Variants in ACOX3 observed in about 807,000 individuals in gnomAD.
ACOX3 encodes acyl-CoA oxidase 3, pristanoyl, also known as peroxisomal acyl-coenzyme A oxidase 3.
A neutral mutation model predicts 81.5 loss-of-function variants in ACOX3; 73 were observed. The observed-to-expected ratio is 0.90, with a 90% CI of 0.74 to 1.09. ACOX3 has a LOEUF of 1.09. ACOX3 is among the 50% of genes least tolerant of loss of function. The pLI, the probability that ACOX3 is intolerant of heterozygous loss-of-function variation, is 0.00. For missense variants in ACOX3, 947 were observed against 928.0 expected, an observed-to-expected ratio of 1.02 and a Z score of -0.27; for synonymous variants, 387 against 375.1, an observed-to-expected ratio of 1.03 and a Z score of -0.37.
chr4:8,418,764 G>A (rs554127872), intron 1 of ACOX3, among the ~76,000 whole-genome samples: 2 of 152,300 alleles, frequency 1.3e-5, no homozygotes, highest in East Asian at 3.9e-4. Flanking sequence ...GGAGGCTGAG[G>A]CAGGAGAATC....
chr4:8,367,991 C>CAA lies in ACOX3; in HGVS notation c.1984-913_1984-912dup, dbSNP rs536606440. Among the ~76,000 whole-genome samples the CAA allele has an allele frequency of 9.3e-3, 1,111 of 119,076 alleles. 14 individuals are homozygous for CAA. Among genetic ancestry groups the CAA allele is most frequent in the African/African-American group, 0.032 (1,043 of 32,386 alleles). 78.1% of individuals were successfully genotyped at this position (119,076 alleles called of 152,430 possible). A position where few individuals can be genotyped will look rare whatever the true frequency, so the allele number is the denominator to read the frequency against. ...TGGGTGACAGAGTGAGATCCTATCT[C>CAA]AAAAAAAAAAAAAAAGAACTGATCG... On this transcript the variant is annotated intron_variant, in intron 17 of 17. Coordinates refer to ENST00000356406, the MANE Select transcript of ACOX3 (RefSeq NM_003501.3).
In ACOX3 at chr4:8,384,919, C is replaced by G. The variant is rs1312743349; in HGVS notation, c.1538-3312G>C. Among the ~76,000 whole-genome samples, 1 of 152,198 alleles carries G rather than the reference C, an allele frequency of 6.6e-6. No individual in the cohort carries two copies. The highest frequency in any genetic ancestry group is 1.9e-4 in the East Asian group (1 of 5,188). ...CAACGCACGGACCCTCTGAGACACC[C>G]TCAGGTGCCAGTTTTGTGGGAGACA... On this transcript the variant is annotated intron_variant, in intron 13 of 17. Transcript: ENST00000356406. This position sits in a 1 kb window ranked among gnomAD's most constrained non-coding sequence, Gnocchi z 5.3.
chr4:8,384,086 A>C lies in ACOX3; in HGVS notation c.1538-2479T>G, dbSNP rs1038093683. Among the ~76,000 whole-genome samples, 3 of 152,104 alleles carry C rather than the reference A, an allele frequency of 2.0e-5. No individual in the cohort carries two copies. Among genetic ancestry groups the C allele is most frequent in the Admixed American group, 2.0e-4 (3 of 15,280 alleles). ...GGTGTCCCTCTGCGGTGGACACTTC[A>C]CGGCAGTTACCCGAGTTTTCCAATC... On this transcript the variant is annotated intron_variant, in intron 13 of 17. Transcript: ENST00000356406. This position sits in a 1 kb window ranked among gnomAD's most constrained non-coding sequence, Gnocchi z 5.3.
rs759703527 is a variant in ACOX3, at chr4:8,406,057, C to T, written c.688-14G>A. ...CGGGTCCCGGATCTATACAAAGCCA[C>T]AGAAAGCAGCAAACAGCAACTGTTA... On this transcript the variant is annotated splice_polypyrimidine_tract_variant and intron_variant, in intron 6 of 17. Transcript: ENST00000356406. The surrounding 1 kb of genome is among the most constrained non-coding windows in gnomAD (Gnocchi z 5.6). 1.2e-6 allele frequency: 2 copies of T among 1,611,268 alleles called. No homozygotes were observed. Among genetic ancestry groups the T allele is most frequent in the East Asian group, 2.2e-5 (1 of 44,858 alleles).
intron 1 of ACOX3, among the ~76,000 whole-genome samples, chr4:8,427,129 C>T (rs921155721): frequency 3.3e-5 from 5 of 152,170 alleles, no homozygotes; most frequent in Non-Finnish European, 7.3e-5. Flanking sequence ...ACTCAGCTCA[C>T]ACCAGACCAA....
At position 8,392,497 on chromosome 4, in the gene ACOX3, T is replaced by C. The variant is rs757169012; in HGVS notation, c.1180-44A>G. The C allele has an allele frequency of 4.3e-5, 63 of 1,480,736 alleles. No homozygotes were observed. In the Admixed American group the frequency reaches 1.4e-3, roughly 32 times the overall value. The allele number at this position is 1,480,736 out of a possible 1,614,324, so 91.7% of individuals were successfully genotyped here. ...AACAAGAACAGGTGAAAAGAGACTT[T>C]AGACACCAAAAAGTCATAAGTCAGC... is the stretch of plus-strand genomic sequence containing the variant. On this transcript the variant is annotated intron_variant, in intron 10 of 17. Transcript: ENST00000356406.
At position 8,405,976 on chromosome 4, in the gene ACOX3, C is replaced by A; in HGVS notation, c.755G>T (p.Gly252Val). 1 of 1,614,162 alleles carries A rather than the reference C, an allele frequency of 6.2e-7. No individual in the cohort carries two copies. Among genetic ancestry groups the A allele is most frequent in the East Asian group, 2.2e-5 (1 of 44,880 alleles). ...TCACCCATTATCCAGACCGTTCTGC[C>A]CGAGTTTTTTTCCTATGTCGCCAAC... ...VMVGDIGKKL[G>V]QNGLDNGFAM... Residue 252 changes from glycine to valine, a missense_variant, in exon 7 of 18, where the codon GGG becomes GTG. Transcript: ENST00000356406. This position sits in a 1 kb window ranked among gnomAD's most constrained non-coding sequence, Gnocchi z 7.1.
At chr4:8,362,750 G>C (rs1208565391), downstream of ACOX3, among the ~76,000 whole-genome samples, 2 of 152,206 alleles carry the variant, frequency 1.3e-5, no homozygotes, top group African/African-American at 4.8e-5. Context: ...AGGCTCAAGA[G>C]GAGAGGAATT....
rs192317516 is a variant in ACOX3, at chr4:8,434,818, C to A, written c.-15+5830G>T. 7.2e-5 allele frequency among the ~76,000 whole-genome samples: 11 copies of A among 152,310 alleles called. No individual in the cohort carries two copies. In the South Asian group the frequency reaches 1.4e-3, roughly 20 times the overall value. On this transcript the variant is annotated intron_variant, in intron 1 of 17. Transcript: ENST00000356406. ...TTGAATTACTTGATAAACAGGCGTG[C>A]CTTTATTGGCACTTTGGCTTTGGTT...
At chr4:8,387,008 G>A (rs768104009) in intron 13 of ACOX3, among the ~76,000 whole-genome samples, 1 of 152,200 alleles carries the variant, frequency 6.6e-6, no homozygotes, top group Non-Finnish European at 1.5e-5. Context: ...GAGGATCCAG[G>A]GGCCTCCCAG....
chr4:8,438,432 G>C (rs1038036018), intron 1 of ACOX3, among the ~76,000 whole-genome samples: 3 of 152,092 alleles, frequency 2.0e-5, no homozygotes, highest in African/African-American at 7.2e-5. Flanking sequence ...GATAAAATCA[G>C]GCTTTTGCCT....
In ACOX3 at chr4:8,367,270, G is replaced by A. The variant is rs538071109; in HGVS notation, c.1984-190C>T. On this transcript the variant is annotated intron_variant, in intron 17 of 17. Transcript: ENST00000356406. ...CGAGGTAGGCAGATCACCTGAGGTC[G>A]GGAGTTTTAGATCAGCCTGACCAAC... 4.6e-5 allele frequency among the ~76,000 whole-genome samples: 7 copies of A among 152,164 alleles called. No homozygotes were observed. In the East Asian group the frequency reaches 7.7e-4, roughly 17 times the overall value.
intron 14 of ACOX3, among the ~76,000 whole-genome samples, chr4:8,379,884 C>T (rs1188371412): frequency 6.6e-6 from 1 of 152,150 alleles, no homozygotes; most frequent in East Asian, 1.9e-4. Flanking sequence ...CTCCTGGGCT[C>T]AAGCGATCTT....
chr4:8,404,606 C>T (rs1461595266), intron 7 of ACOX3, among the ~76,000 whole-genome samples: 1 of 152,158 alleles, frequency 6.6e-6, no homozygotes. Flanking sequence ...ACACTCCCTG[C>T]CCATCACCCT....
rs1427375526 is a variant in ACOX3, at chr4:8,397,133, A to G, written c.874-14T>C. On this transcript the variant is annotated splice_polypyrimidine_tract_variant and intron_variant, in intron 8 of 17. Transcript: ENST00000356406. ...CTGCCTGACGTCCTACGGGAGGGAC[A>G]CAGATGATAAGCTCAAGCCCGGCTG... 2.6e-6 allele frequency: 4 copies of G among 1,538,888 alleles called. No homozygotes were observed. In the South Asian group the frequency reaches 5.0e-5, roughly 19 times the overall value.
At chr4:8,363,785 T>C (rs1363996233), downstream of ACOX3, among the ~76,000 whole-genome samples, 1 of 152,062 alleles carries the variant, frequency 6.6e-6, no homozygotes, top group Non-Finnish European at 1.5e-5. Context: ...AAAACCAAGA[T>C]GGCCATGAGA....
intron 7 of ACOX3, among the ~76,000 whole-genome samples, chr4:8,402,022 G>C (rs1402606894): frequency 1.3e-5 from 2 of 152,244 alleles, no homozygotes; most frequent in East Asian, 1.9e-4. Context: ...ACCGTGCATG[G>C]GGCCTGCCAG....
At chr4:8,413,653 G>A (rs549007038) in intron 5 of ACOX3, among the ~76,000 whole-genome samples, 1 of 143,626 alleles carries the variant, frequency 7.0e-6, no homozygotes, top group Non-Finnish European at 1.5e-5. Flanking sequence ...CCCCTCCACA[G>A]CACTGACAGC....
At chr4:8,373,757 C>CA in intron 15 of ACOX3, 129 bp from the exon 16 acceptor site, 1 of 775,074 alleles carries the variant, frequency 1.3e-6, no homozygotes, top group Non-Finnish European at 2.2e-6. Flanking sequence ...ACATCAGTGT[C>CA]ATTGCTGTCC....
Sources: gnomAD v4.1 joint callset for allele counts (sites outside exome capture counted in the v4.1 genomes callset) on GRCh38, gnomAD v4.1.1 for gene constraint, Gnocchi (gnomAD v3.1) non-coding constraint, MANE v1.5 for transcripts, NCBI Gene and HGNC (gene_info 2026-07-23, HGNC 2026-07-21) for gene names.